LUZP2: variants seen among roughly 807,000 people sequenced by gnomAD.
LUZP2 encodes leucine zipper protein 2.
LUZP2 carries 52 observed loss-of-function variants against 51.6 expected under a neutral mutation model. The ratio of observed to expected loss-of-function variants is 1.01; its 90% confidence interval spans 0.81 to 1.27. LUZP2 has a LOEUF of 1.27. Among genes scored for constraint, LUZP2 ranks in the 50% most tolerant of loss-of-function variants. The pLI, the probability that LUZP2 is intolerant of heterozygous loss-of-function variation, is 0.00. For synonymous variants in LUZP2, 154 were observed against 137.3 expected (o/e 1.12, Z -0.85); for missense variants, 436 against 395.4 (o/e 1.10, Z -0.87).
chr11:24,894,122 A>G (rs1277775919), intron 5 of LUZP2, among the ~76,000 whole-genome samples: 4 of 152,064 alleles, frequency 2.6e-5, no homozygotes. Flanking sequence ...ATGAGTGAAT[A>G]GAATATGCAT....
chr11:25,063,486 A>G (rs10834595), intron 10 of LUZP2, among the ~76,000 whole-genome samples: 56,640 of 151,546 alleles, frequency 0.37, 13,546 homozygotes, highest in East Asian at 0.78. Flanking sequence ...AAGAGAGAGG[A>G]GTCTGCTTCA....
At chr11:24,843,486 A>G (rs1851097771) in intron 5 of LUZP2, among the ~76,000 whole-genome samples, 1 of 152,218 alleles carries the variant, frequency 6.6e-6, no homozygotes, top group South Asian at 2.1e-4. Context: ...AGCAAAATCT[A>G]GCAACATTTT....
chr11:24,696,671 A>T (rs1410577349), intron 1 of LUZP2, among the ~76,000 whole-genome samples: 1 of 152,140 alleles, frequency 6.6e-6, no homozygotes, highest in Non-Finnish European at 1.5e-5. Flanking sequence ...TAACTTTGGA[A>T]TTCAGTTGGG....
chr11:24,988,160 G>A (rs1008332010), intron 9 of LUZP2, among the ~76,000 whole-genome samples: 5 of 151,896 alleles, frequency 3.3e-5, no homozygotes, highest in African/African-American at 4.8e-5. Context: ...TCCACCTGCT[G>A]TCCATCAATC....
At chr11:25,015,589 A>G (rs1233972745) in intron 9 of LUZP2, among the ~76,000 whole-genome samples, 1 of 152,102 alleles carries the variant, frequency 6.6e-6, no homozygotes, top group East Asian at 1.9e-4. Context: ...GAGCATTCCC[A>G]ATACAGATCT....
chr11:24,840,358 C>A (rs975030962), intron 5 of LUZP2, among the ~76,000 whole-genome samples: 1 of 151,798 alleles, frequency 6.6e-6, no homozygotes, highest in Non-Finnish European at 1.5e-5. Context: ...TTGACACGTA[C>A]CAGATGGTTT....
chr11:25,050,818 G>A (rs1452733271), intron 10 of LUZP2, among the ~76,000 whole-genome samples: 1 of 152,166 alleles, frequency 6.6e-6, no homozygotes, highest in African/African-American at 2.4e-5. Context: ...TCCATGTAAA[G>A]CAAATACACT....
intron 1 of LUZP2, among the ~76,000 whole-genome samples, chr11:24,600,818 A>C (rs1853608130): frequency 6.6e-6 from 1 of 152,144 alleles, no homozygotes; most frequent in Non-Finnish European, 1.5e-5. Context: ...GCTGTTTAAA[A>C]AGAAGGTAGA....
At chr11:25,074,703 A>G (rs1859249280) in intron 10 of LUZP2, among the ~76,000 whole-genome samples, 1 of 152,158 alleles carries the variant, frequency 6.6e-6, no homozygotes, top group South Asian at 2.1e-4. Context: ...TTATGAAGTG[A>G]ATATCAAATT....
At position 25,080,417 on chromosome 11, in the gene LUZP2, A is replaced by G. The variant is rs1016458584; in HGVS notation, c.*1759A>G. On this transcript the variant is annotated 3_prime_UTR_variant, in exon 12 of 12. Transcript: ENST00000336930. ...AATGTTTTCAACCTTTGACTTCTTT[A>G]TCTGTATGTAATCCTATTGTTAAAT... 1.3e-5 allele frequency: 2 copies of G among 152,022 alleles called. No homozygotes were observed. The highest frequency in any genetic ancestry group is 2.1e-4 in the South Asian group (1 of 4,834). The allele number at this position is 152,022 out of a possible 1,614,324, so 9.4% of individuals were successfully genotyped here.
chr11:24,902,620 C>G (rs1565083236), intron 5 of LUZP2, among the ~76,000 whole-genome samples: 1 of 152,048 alleles, frequency 6.6e-6, no homozygotes, highest in Non-Finnish European at 1.5e-5. Context: ...AAAGCCTACT[C>G]CAAGTAATTA....
At chr11:24,845,127 A>C (rs148123658) in intron 5 of LUZP2, among the ~76,000 whole-genome samples, 2,057 of 152,254 alleles carry the variant, frequency 0.014, 50 homozygotes, top group East Asian at 0.12. Context: ...GCAGACACTC[A>C]ATGCCAGCCG....
intron 1 of LUZP2, among the ~76,000 whole-genome samples, chr11:24,597,197 T>A (rs1020531998): frequency 6.6e-6 from 1 of 152,226 alleles, no homozygotes; most frequent in Non-Finnish European, 1.5e-5. Context: ...AGCATGTGTA[T>A]AGATATATAC....
intron 5 of LUZP2, among the ~76,000 whole-genome samples, chr11:24,864,753 T>G (rs1851838175): frequency 6.6e-6 from 1 of 152,238 alleles, no homozygotes; most frequent in Non-Finnish European, 1.5e-5. Flanking sequence ...TTATGTGAAT[T>G]GATTTATGCT....
chr11:25,063,772 T>C (rs929328501), intron 10 of LUZP2, among the ~76,000 whole-genome samples: 2 of 151,796 alleles, frequency 1.3e-5, no homozygotes, highest in African/African-American at 4.8e-5. Flanking sequence ...TAAAAATACA[T>C]ATGATTTATT....
intron 1 of LUZP2, among the ~76,000 whole-genome samples, chr11:24,707,091 T>A (rs1857615754): frequency 6.6e-6 from 1 of 152,082 alleles, no homozygotes; most frequent in African/African-American, 2.4e-5. Context: ...TTCTTCCTTG[T>A]CCCATTTTAC....
In LUZP2 at chr11:24,983,244, C is replaced by G; in HGVS notation, c.716C>G (p.Pro239Arg). The change falls in exon 9 of 12, where the codon CCA becomes CGA. Residue 239 changes from proline (P) to arginine (R), a missense_variant. Pro to Arg is a moderately radical substitution (Grantham distance 103, BLOSUM62 -2). Coordinates refer to ENST00000336930, the MANE Select transcript of LUZP2 (RefSeq NM_001009909.4). ...ITSNPTRMLL[P>R]PRNIASKLPD... ...TCAAATCCAACTCGGATGTTACTCC[C>G]ACCCAGGAATATTGCCTCTAAGCTT... is the stretch of plus-strand genomic sequence containing the variant. The G allele has an allele frequency of 6.2e-7, 1 of 1,612,196 alleles. No individual in the cohort carries two copies. Among genetic ancestry groups the G allele is most frequent in the Non-Finnish European group, 8.5e-7 (1 of 1,178,812 alleles).
chr11:24,694,864 G>C (rs1857196051), intron 1 of LUZP2, among the ~76,000 whole-genome samples: 1 of 147,936 alleles, frequency 6.8e-6, no homozygotes, highest in African/African-American at 2.5e-5. Context: ...CATGGGAGTT[G>C]AACAATGAGA....
intron 1 of LUZP2, among the ~76,000 whole-genome samples, chr11:24,592,307 G>T (rs1004437806): frequency 5.9e-5 from 9 of 152,072 alleles, no homozygotes; most frequent in Admixed American, 5.9e-4. Flanking sequence ...TAGAATTTGA[G>T]GAATATTTCA....
Sources: gnomAD v4.1 joint callset for allele counts (sites outside exome capture counted in the v4.1 genomes callset) on GRCh38, gnomAD v4.1.1 for gene constraint, MANE v1.5 for transcripts, NCBI Gene and HGNC (gene_info 2026-07-23, HGNC 2026-07-21) for gene names.